PCDHA1: variants seen among roughly 807,000 people sequenced by gnomAD.
PCDHA1 encodes protocadherin alpha 1.
PCDHA1 carries 42 observed loss-of-function variants against 61.3 expected under a neutral mutation model. That is an observed-to-expected ratio of 0.69 (90% CI 0.54 to 0.89). The LOEUF (loss-of-function observed/expected upper bound fraction) is 0.89, where lower values mean the gene tolerates loss of function less well. Among genes scored for constraint, PCDHA1 ranks in the 40% least tolerant of loss-of-function variants. The pLI, the probability that PCDHA1 is intolerant of heterozygous loss-of-function variation, is 0.00. For synonymous variants in PCDHA1, 610 were observed against 553.8 expected, an observed-to-expected ratio of 1.10 and a Z score of -1.43; for missense variants, 1,256 against 1,235.3, an observed-to-expected ratio of 1.02 and a Z score of -0.25.
At chr5:140,944,724 C>G (rs246064) in intron 1 of PCDHA1, among the ~76,000 whole-genome samples, 85,713 of 151,920 alleles carry the variant, frequency 0.56, 24,798 homozygotes, top group African/African-American at 0.69. Flanking sequence ...CTTTGAACAC[C>G]TTAGTAAGTC....
chr5:140,859,326 A>G (rs2045811679), intron 1 of PCDHA1: 1 of 227,460 alleles, frequency 4.4e-6, no homozygotes, highest in East Asian at 1.7e-4. Context: ...GTTTGAGGAG[A>G]AAATAAAATT....
At chr5:140,974,496 T>C (rs1554236114) in intron 1 of PCDHA1, among the ~76,000 whole-genome samples, 1 of 152,198 alleles carries the variant, frequency 6.6e-6, no homozygotes, top group Non-Finnish European at 1.5e-5. Flanking sequence ...TCAAATGTAT[T>C]ACCTTTGTGT....
At chr5:140,984,307 G>T (rs2153833813) in intron 3 of PCDHA1, among the ~76,000 whole-genome samples, 1 of 152,288 alleles carries the variant, frequency 6.6e-6, no homozygotes, top group Non-Finnish European at 1.5e-5. Context: ...GCTGGTTGGT[G>T]TGTATTCCTA....
chr5:140,838,779 A>C lies in PCDHA1; in HGVS notation c.2394+50095A>C, dbSNP rs1039097840. Among the ~76,000 whole-genome samples the C allele has an allele frequency of 1.8e-4, 28 of 152,056 alleles. 1 individual carries two copies. The highest frequency in any genetic ancestry group is 1.5e-3 in the Admixed American group (23 of 15,270). ...TTGTAGAGACTTTGTAAAATTAGCT[A>C]TGCATGGTGATGCATGTCTGTAGTT... is the stretch of plus-strand genomic sequence containing the variant. On this transcript the variant is annotated intron_variant, in intron 1 of 3. Coordinates refer to ENST00000504120, the MANE Select transcript of PCDHA1 (RefSeq NM_018900.4).
chr5:140,834,707 G>T, intron 1 of PCDHA1: 1 of 1,614,262 alleles, frequency 6.2e-7, no homozygotes, highest in Non-Finnish European at 8.5e-7. Flanking sequence ...ACCTGGAGGT[G>T]ATCGTGGAAA....
At chr5:140,989,555 T>G (rs923190578) in intron 3 of PCDHA1, among the ~76,000 whole-genome samples, 1 of 152,204 alleles carries the variant, frequency 6.6e-6, no homozygotes, top group African/African-American at 2.4e-5. Flanking sequence ...CCTTTACGTT[T>G]TGTGGCTCCG....
In PCDHA1 at chr5:140,835,966, T is replaced by C. The variant is rs2150249207; in HGVS notation, c.2394+47282T>C. The C allele has an allele frequency of 5.6e-6, 9 of 1,613,230 alleles. 1 individual carries two copies. In the South Asian group the frequency reaches 8.8e-5, roughly 16 times the overall value. On this transcript the variant is annotated intron_variant, in intron 1 of 3. Transcript: ENST00000504120. ...CTGCAGCCGTTGGACCACGAGGAGC[T>C]GGAGCTGTTGCAGTTCCAGGTGAGC... is the stretch of plus-strand genomic sequence containing the variant.
At chr5:140,987,565 T>C (rs1407426548) in intron 3 of PCDHA1, among the ~76,000 whole-genome samples, 1 of 152,344 alleles carries the variant, frequency 6.6e-6, no homozygotes, top group East Asian at 1.9e-4. Flanking sequence ...TCTCAGTTTC[T>C]TTCTCTATAA....
At chr5:140,907,582 G>C (rs978225789) in intron 1 of PCDHA1, among the ~76,000 whole-genome samples, 8 of 152,190 alleles carry the variant, frequency 5.3e-5, no homozygotes, top group African/African-American at 1.9e-4. Context: ...CAGGTAGCTG[G>C]CTGATCACCC....
chr5:141,008,941 G>T, intron 3 of PCDHA1, among the ~76,000 whole-genome samples: 1 of 152,140 alleles, frequency 6.6e-6, no homozygotes, highest in East Asian at 1.9e-4. Context: ...TCTTGTTTTG[G>T]ACAAAATAGA....
chr5:140,978,406 T>C (rs1268497033), intron 1 of PCDHA1, among the ~76,000 whole-genome samples: 1 of 152,206 alleles, frequency 6.6e-6, no homozygotes, highest in African/African-American at 2.4e-5. Context: ...CCCTCTTCAA[T>C]CAGAAAAGAG....
intron 1 of PCDHA1, chr5:140,794,899 G>C: frequency 1.3e-6 from 2 of 1,488,018 alleles, no homozygotes; most frequent in Non-Finnish European, 1.8e-6. Flanking sequence ...CTTTAACAGA[G>C]ACTAGAATAT....
At chr5:140,863,304 C>T in intron 1 of PCDHA1, 1 of 1,463,904 alleles carries the variant, frequency 6.8e-7, no homozygotes, top group Non-Finnish European at 9.3e-7. Context: ...TCATCGCCAT[C>T]TGCGTGGTGT....
chr5:140,796,797 T>A, intron 1 of PCDHA1: 1 of 1,614,094 alleles, frequency 6.2e-7, no homozygotes, highest in Admixed American at 1.7e-5. Context: ...CGTACGAGCT[T>A]CAGCTGGGTA....
At chr5:140,905,880 A>G (rs1485985374) in intron 1 of PCDHA1, among the ~76,000 whole-genome samples, 4 of 152,172 alleles carry the variant, frequency 2.6e-5, no homozygotes, top group Non-Finnish European at 1.5e-5. Flanking sequence ...AGGCCCAACA[A>G]TAGGCCATCT....
chr5:140,927,031 GC>G, intron 1 of PCDHA1: 6 of 1,612,410 alleles, frequency 3.7e-6, no homozygotes, highest in Non-Finnish European at 5.1e-6. Flanking sequence ...GAGGCTGCCA[GC>G]GGCCGCTATG....
chr5:140,824,836 T>C (rs2150071558), intron 1 of PCDHA1: 1 of 152,184 alleles, frequency 6.6e-6, no homozygotes, highest in South Asian at 2.1e-4. Flanking sequence ...ATTATTTTAT[T>C]ACACTAATTT....
At chr5:140,852,956 C>G (rs2042556592) in intron 1 of PCDHA1, 1 of 438,466 alleles carries the variant, frequency 2.3e-6, no homozygotes, top group Non-Finnish European at 3.1e-6. Flanking sequence ...TTGGCTCACT[C>G]CAAGCTCCCC....
At chr5:140,972,925 G>T (rs1297920795) in intron 1 of PCDHA1, among the ~76,000 whole-genome samples, 1 of 152,120 alleles carries the variant, frequency 6.6e-6, no homozygotes, top group Non-Finnish European at 1.5e-5. Context: ...GCCTCCCAAA[G>T]TGCTGGGATT....
Sources: allele counts gnomAD v4.1 joint callset (sites outside exome capture counted in the v4.1 genomes callset), GRCh38; gene constraint gnomAD v4.1.1; transcripts MANE v1.5; gene names NCBI Gene and HGNC (gene_info 2026-07-23, HGNC 2026-07-21).